MAP3K14: variants seen among roughly 807,000 people sequenced by gnomAD.
The protein encoded by MAP3K14 is mitogen-activated protein kinase kinase kinase 14.
In MAP3K14, 16 loss-of-function variants were observed where a neutral mutation model predicts 99.2. The ratio of observed to expected loss-of-function variants is 0.16; its 90% CI spans 0.11 to 0.24. The LOEUF (loss-of-function observed/expected upper bound fraction) is 0.24. MAP3K14 is among the 10% of genes least tolerant of loss of function. The probability of loss-of-function intolerance (pLI) is 1.00; values close to 1 mark genes in which losing one functional copy is unlikely to be tolerated. For synonymous variants in MAP3K14, 462 were observed against 492.4 expected, an observed-to-expected ratio of 0.94 and a Z score of 0.82; for missense variants, 784 against 1,208.7, an observed-to-expected ratio of 0.65 and a Z score of 5.21.
intron 1 of MAP3K14, among the ~76,000 whole-genome samples, chr17:45,313,746 CAATA>C (rs1292270186): frequency 2.0e-5 from 3 of 152,066 alleles, no homozygotes; most frequent in African/African-American, 2.4e-5. Context: ...TTGATTGGTA[CAATA>C]AATAAATAAA....
intron 5 of MAP3K14, among the ~76,000 whole-genome samples, 179 bp from the exon 6 acceptor site, chr17:45,285,128 G>A (rs2044253633): frequency 6.6e-6 from 1 of 152,218 alleles, no homozygotes; most frequent in Non-Finnish European, 1.5e-5. Flanking sequence ...CAGAGAGGGG[G>A]CAGAGGAATG....
At position 45,264,622 on chromosome 17, in the gene MAP3K14, G is replaced by A. The variant is rs752826975; in HGVS notation, c.*14C>T. The A allele has an allele frequency of 7.0e-6, 11 of 1,562,596 alleles. No individual in the cohort carries two copies. Among genetic ancestry groups the A allele is most frequent in the African/African-American group, 1.4e-5 (1 of 73,638 alleles). On this transcript the variant is annotated 3_prime_UTR_variant, in exon 16 of 16. Transcript: ENST00000344686. ...CTGCTTCCGGCAGTGTGGAGCCGGC[G>A]GTGGAGGGCAGGGTTAGGGCCTGTT...
intron 5 of MAP3K14, among the ~76,000 whole-genome samples, chr17:45,285,325 T>A (rs1440746638): frequency 6.6e-6 from 1 of 151,718 alleles, no homozygotes; most frequent in African/African-American, 2.4e-5. Context: ...TCAAGGATGA[T>A]GTTAAAAGTG....
At chr17:45,278,659 G>T (rs186936871) in intron 6 of MAP3K14, among the ~76,000 whole-genome samples, 317 of 151,808 alleles carry the variant, frequency 2.1e-3, no homozygotes, top group Non-Finnish European at 3.4e-3. Context: ...TCTGCCTCCT[G>T]AAGGCCTTTC....
At chr17:45,276,166 A>G (rs1196886591) in intron 6 of MAP3K14, among the ~76,000 whole-genome samples, 2 of 152,138 alleles carry the variant, frequency 1.3e-5, no homozygotes, top group Non-Finnish European at 2.9e-5. Flanking sequence ...GAGGCTTCTG[A>G]GGAGGCTTCT....
At position 45,304,164 on chromosome 17, in the gene MAP3K14, C is replaced by T. The variant is rs141673510; in HGVS notation, c.-21+12796G>A. On this transcript the variant is annotated intron_variant, in intron 1 of 15. Coordinates refer to ENST00000344686, the MANE Select transcript of MAP3K14 (RefSeq NM_003954.5). ...AGTTACAGGCGTCAGCCACCACATC[C>T]GGCTAATTTTTGTATTTTTAGTAGA... Among the ~76,000 whole-genome samples, 119 of 151,034 alleles carry T rather than the reference C, an allele frequency of 7.9e-4. 1 individual carries two copies. Among genetic ancestry groups the T allele is most frequent in the African/African-American group, 2.8e-3 (114 of 41,206 alleles).
rs145997801 is a variant in MAP3K14 at position 45,294,263 on chromosome 17, G to A, written c.-20-3498C>T. Among the ~76,000 whole-genome samples the A allele has an allele frequency of 2.0e-5, 3 of 152,348 alleles. No homozygotes were observed. In the East Asian group the frequency reaches 5.8e-4, roughly 29 times the overall value. ...GAAATCAGAAGAGGAAAGGAAAGGA[G>A]CAGAATTCACTCCATATTCTTTGAG... On this transcript the variant is annotated intron_variant, in intron 1 of 15. Transcript: ENST00000344686.
At chr17:45,278,353 C>T (rs2044195422) in intron 6 of MAP3K14, among the ~76,000 whole-genome samples, 1 of 152,212 alleles carries the variant, frequency 6.6e-6, no homozygotes, top group Non-Finnish European at 1.5e-5. Flanking sequence ...GGCCACCCCT[C>T]CTCTCTGAAC....
intron 6 of MAP3K14, among the ~76,000 whole-genome samples, chr17:45,279,705 G>T (rs1005284834): frequency 6.6e-6 from 1 of 152,084 alleles, no homozygotes; most frequent in Non-Finnish European, 1.5e-5. Context: ...TTACAGACGT[G>T]AGCCACCGCA....
At chr17:45,265,611 T>A (rs1053806129) in intron 14 of MAP3K14, among the ~76,000 whole-genome samples, 3 of 148,168 alleles carry the variant, frequency 2.0e-5, no homozygotes, top group Non-Finnish European at 3.0e-5. Context: ...CTAATTTTTG[T>A]ATTTTTAGTA....
chr17:45,301,885 T>C (rs1414818875), intron 1 of MAP3K14, among the ~76,000 whole-genome samples: 1 of 151,366 alleles, frequency 6.6e-6, no homozygotes, highest in Non-Finnish European at 1.5e-5. Flanking sequence ...TTGGCTGGAC[T>C]GCAGTGACAC....
chr17:45,290,996 A>T (rs1405800669), intron 1 of MAP3K14: 1 of 479,714 alleles, frequency 2.1e-6, no homozygotes, highest in Admixed American at 3.3e-5. Flanking sequence ...ACCACAACAT[A>T]AACAGCCTCC....
At chr17:45,285,624 TCAAAA>T (rs1177052170) in intron 5 of MAP3K14, among the ~76,000 whole-genome samples, 5 of 151,518 alleles carry the variant, frequency 3.3e-5, no homozygotes, top group South Asian at 2.1e-4. Context: ...AGACTCTGTC[TCAAAA>T]CAAAACAAAA....
chr17:45,296,263 G>A (rs959832530), intron 1 of MAP3K14, among the ~76,000 whole-genome samples: 3 of 152,136 alleles, frequency 2.0e-5, no homozygotes, highest in South Asian at 2.1e-4. Context: ...GGTGGCTCAC[G>A]CCTGTAATCT....
At chr17:45,270,941 G>T in intron 10 of MAP3K14, 117 bp downstream of exon 10, 1 of 1,368,372 alleles carries the variant, frequency 7.3e-7, no homozygotes, top group Non-Finnish European at 1.0e-6. Context: ...ATCCCACATG[G>T]ATGACCAGGC....
At chr17:45,313,094 T>C (rs2044496895) in intron 1 of MAP3K14, among the ~76,000 whole-genome samples, 1 of 152,024 alleles carries the variant, frequency 6.6e-6, no homozygotes, top group Non-Finnish European at 1.5e-5. Context: ...GTGAGGGCAG[T>C]ATATAGTGTA....
chr17:45,286,927 G>A lies in MAP3K14; in HGVS notation c.656C>T (p.Pro219Leu), dbSNP rs1598255738. 6.2e-6 allele frequency: 10 copies of A among 1,613,926 alleles called. No individual in the cohort carries two copies. Among genetic ancestry groups the A allele is most frequent in the South Asian group, 3.3e-5 (3 of 91,092 alleles). ...CFKQLGEGLR[P>L]ALPRSELHKL... Reference sequence around the variant, plus strand: ...GTGGAGTTCTGATCGAGGCAGAGCCGGCCGTAGGCCCTCGCCAAGCTGCTT... The same window carrying A: ...GTGGAGTTCTGATCGAGGCAGAGCCAGCCGTAGGCCCTCGCCAAGCTGCTT... The change falls in exon 5 of 16, where the codon CCG becomes CTG. Residue 219 changes from proline to leucine, a missense_variant. Coordinates refer to ENST00000344686, the MANE Select transcript of MAP3K14 (RefSeq NM_003954.5). This position sits in a 1 kb window ranked among gnomAD's most constrained non-coding sequence, Gnocchi z 4.1.
At chr17:45,268,527 A>G (rs1341394348) in intron 11 of MAP3K14, 1 of 152,106 alleles carries the variant, frequency 6.6e-6, no homozygotes, top group Non-Finnish European at 1.5e-5. Flanking sequence ...GGCTGGGACT[A>G]CAGATGTGCG....
chr17:45,300,267 T>C (rs574538911), intron 1 of MAP3K14, among the ~76,000 whole-genome samples: 6 of 152,268 alleles, frequency 3.9e-5, no homozygotes, highest in African/African-American at 1.4e-4. Context: ...TTTAGGGCAA[T>C]TCCCTCGCAT....
Sources: gnomAD v4.1 joint callset for allele counts (sites outside exome capture counted in the v4.1 genomes callset) on GRCh38, gnomAD v4.1.1 for gene constraint, Gnocchi (gnomAD v3.1) non-coding constraint, MANE v1.5 for transcripts, NCBI Gene and HGNC (gene_info 2026-07-23, HGNC 2026-07-21) for gene names.